LINGO2: variants seen among roughly 807,000 people sequenced by gnomAD.
LINGO2 encodes leucine rich repeat and Ig domain containing 2.
LINGO2 carries 14 observed loss-of-function variants against 30.6 expected under a neutral mutation model. The observed-to-expected ratio is 0.46, with a 90% CI of 0.30 to 0.72. The LOEUF is 0.72. Ranked by LOEUF, LINGO2 falls within the 30% of genes least tolerant of loss-of-function variation. The pLI, the probability that LINGO2 is intolerant of heterozygous loss-of-function variation, is 0.07. For missense variants in LINGO2, 729 were observed against 751.7 expected, an observed-to-expected ratio of 0.97 and a Z score of 0.35; for synonymous variants, 317 against 288.5, an observed-to-expected ratio of 1.10 and a Z score of -1.00.
chr9:28,820,294 G>C, the LINGO2 span, among the ~76,000 whole-genome samples: 1 of 150,786 alleles, frequency 6.6e-6, no homozygotes, highest in Non-Finnish European at 1.5e-5. Flanking sequence ...AAGACCACGT[G>C]TGTCACCCAC....
chr9:28,804,262 G>A, the LINGO2 span, among the ~76,000 whole-genome samples: 1 of 152,070 alleles, frequency 6.6e-6, no homozygotes, highest in East Asian at 1.9e-4. Flanking sequence ...TGCAGCTATT[G>A]GGGCCAATGT....
At chr9:28,355,472 T>C (rs949204029) in intron 3 of LINGO2, among the ~76,000 whole-genome samples, 1 of 151,554 alleles carries the variant, frequency 6.6e-6, no homozygotes, top group African/African-American at 2.4e-5. Flanking sequence ...TGCTGAACAT[T>C]TTTGTATTCT....
chr9:29,168,602 T>C, the LINGO2 span, among the ~76,000 whole-genome samples: 2 of 152,196 alleles, frequency 1.3e-5, no homozygotes, highest in Admixed American at 6.5e-5. Flanking sequence ...ACCATCTGCA[T>C]TTTCTCTCTT....
At chr9:28,480,097 A>G (rs937775806) in intron 1 of LINGO2, among the ~76,000 whole-genome samples, 4 of 151,454 alleles carry the variant, frequency 2.6e-5, no homozygotes, top group African/African-American at 9.7e-5. Flanking sequence ...AGGAGTTGCT[A>G]TTATAATCAT....
intron 4 of LINGO2, among the ~76,000 whole-genome samples, chr9:28,230,578 CAG>C (rs752334139): frequency 2.0e-5 from 3 of 151,532 alleles, no homozygotes; most frequent in Non-Finnish European, 3.0e-5. Context: ...CAATTAAAGA[CAG>C]AGTCTTGCTC....
chr9:28,080,408 C>T (rs1215771537), intron 4 of LINGO2, among the ~76,000 whole-genome samples: 2 of 152,138 alleles, frequency 1.3e-5, no homozygotes. Flanking sequence ...CAAACTCATT[C>T]CTGCTTTAGA....
the LINGO2 span, among the ~76,000 whole-genome samples, chr9:28,757,014 A>G: frequency 6.6e-6 from 1 of 152,098 alleles, no homozygotes; most frequent in East Asian, 1.9e-4. Context: ...AGTTTTAGTT[A>G]TAACAGTGAT....
the LINGO2 span, among the ~76,000 whole-genome samples, chr9:28,995,477 C>G: frequency 1.5e-4 from 23 of 152,158 alleles, no homozygotes; most frequent in Admixed American, 1.2e-3. Context: ...CCTCAGGGAT[C>G]TAGAACTAGA....
chr9:28,346,795 C>CT (rs35373191), intron 3 of LINGO2, among the ~76,000 whole-genome samples: 5,790 of 149,826 alleles, frequency 0.039, 133 homozygotes, highest in East Asian at 0.089. Context: ...GATATTGAGT[C>CT]TTTTTTTTTT....
the LINGO2 span, among the ~76,000 whole-genome samples, chr9:28,959,587 A>C: frequency 3.7e-5 from 4 of 107,452 alleles, no homozygotes; most frequent in African/African-American, 4.5e-5. Flanking sequence ...CTTTTCTTTT[A>C]TCTCTCTCTC....
the LINGO2 span, among the ~76,000 whole-genome samples, chr9:29,099,918 G>T: frequency 6.6e-6 from 1 of 151,718 alleles, no homozygotes; most frequent in African/African-American, 2.4e-5. Flanking sequence ...ATATTGAAGA[G>T]AAATCTGCAC....
chr9:28,015,643 T>A (rs1822791855), intron 4 of LINGO2, among the ~76,000 whole-genome samples: 1 of 152,126 alleles, frequency 6.6e-6, no homozygotes. Context: ...CTAATGTCCC[T>A]GAAAGGGTAA....
the LINGO2 span, among the ~76,000 whole-genome samples, chr9:28,720,269 A>C: frequency 1.3e-5 from 2 of 152,122 alleles, no homozygotes; most frequent in African/African-American, 4.8e-5. Context: ...TTAGCCACAA[A>C]AATGTCTAAT....
intron 5 of LINGO2, among the ~76,000 whole-genome samples, chr9:28,003,597 G>A (rs1822097118): frequency 6.6e-6 from 1 of 152,144 alleles, no homozygotes; most frequent in Non-Finnish European, 1.5e-5. Flanking sequence ...GAGTAGCTGG[G>A]ACTACAGGCG....
At chr9:28,370,508 T>C (rs1302194380) in intron 3 of LINGO2, among the ~76,000 whole-genome samples, 1 of 152,138 alleles carries the variant, frequency 6.6e-6, no homozygotes. Context: ...TTTAGAATAA[T>C]AATGAACTGC....
intron 3 of LINGO2, among the ~76,000 whole-genome samples, chr9:28,366,616 C>T (rs1051984684): frequency 1.3e-5 from 2 of 151,810 alleles, no homozygotes; most frequent in African/African-American, 4.8e-5. Context: ...CATTCACTTG[C>T]ATTAGCTTCC....
intron 4 of LINGO2, among the ~76,000 whole-genome samples, chr9:28,282,786 T>C (rs1823374337): frequency 6.6e-6 from 1 of 152,128 alleles, no homozygotes; most frequent in South Asian, 2.1e-4. Context: ...GATGTCTCTT[T>C]CAGTGCTTCA....
the LINGO2 span, among the ~76,000 whole-genome samples, chr9:29,063,901 A>G: frequency 6.6e-6 from 1 of 152,196 alleles, no homozygotes; most frequent in Non-Finnish European, 1.5e-5. Context: ...CATAACAAAG[A>G]TGCTAGGAAG....
At chr9:28,253,935 G>A (rs528531823) in intron 4 of LINGO2, among the ~76,000 whole-genome samples, 1 of 152,222 alleles carries the variant, frequency 6.6e-6, no homozygotes, top group African/African-American at 2.4e-5. Context: ...CTTCCTGGGT[G>A]GAACCTGGGA....
Sources: allele counts gnomAD v4.1 joint callset (sites outside exome capture counted in the v4.1 genomes callset), GRCh38; gene constraint gnomAD v4.1.1; transcripts MANE v1.5; gene names NCBI Gene and HGNC (gene_info 2026-07-23, HGNC 2026-07-21).